PVT1: variants seen among roughly 807,000 people sequenced by gnomAD.
The protein encoded by PVT1 is Pvt1 oncogene.
intron 4 of PVT1, among the ~76,000 whole-genome samples, chr8:128,047,662 T>A (rs1483742941): frequency 6.6e-6 from 1 of 152,154 alleles, no homozygotes; most frequent in Non-Finnish European, 1.5e-5. Context: ...ACAACATTGT[T>A]TGACACAGAA....
chr8:128,096,473 C>T (rs964668463), intron 5 of PVT1: 1 of 149,216 alleles, frequency 6.7e-6, no homozygotes. Flanking sequence ...GTCCTGCTAC[C>T]ATTTTATAGT....
intron 3 of PVT1, among the ~76,000 whole-genome samples, chr8:127,919,480 C>T (rs1305808078): frequency 6.6e-6 from 1 of 152,216 alleles, no homozygotes; most frequent in African/African-American, 2.4e-5. Flanking sequence ...CTTCTCCCCA[C>T]TTTTGTGCAA....
intron 5 of PVT1, among the ~76,000 whole-genome samples, chr8:128,071,298 C>T (rs1370419445): frequency 2.0e-5 from 3 of 152,174 alleles, no homozygotes; most frequent in African/African-American, 7.2e-5. Context: ...GAATACCTGT[C>T]AGAGAGTATC....
chr8:127,955,831 C>G (rs934206368), intron 3 of PVT1, among the ~76,000 whole-genome samples: 1 of 152,136 alleles, frequency 6.6e-6, no homozygotes, highest in East Asian at 1.9e-4. Context: ...GTGATCTGCC[C>G]GCCTCGGCCT....
rs1816418374 is a variant in PVT1 at position 127,946,206 on chromosome 8, T to C, written n.783-42956T>C. 2.0e-5 allele frequency among the ~76,000 whole-genome samples: 3 copies of C among 152,336 alleles called. No individual in the cohort carries two copies. In the South Asian group the frequency reaches 6.2e-4, roughly 32 times the overall value. On this transcript the variant is annotated intron_variant and non_coding_transcript_variant, in intron 3 of 10. Transcript: ENST00000651587. ...TGCTTACTCTCCCAAGCTTGTTGGG[T>C]TATTATCATGCACAAGCCATTCAAT...
chr8:128,022,281 G>A (rs1817447364), intron 4 of PVT1, among the ~76,000 whole-genome samples: 1 of 152,204 alleles, frequency 6.6e-6, no homozygotes, highest in Non-Finnish European at 1.5e-5. Flanking sequence ...GTCTTGGCTT[G>A]ACCTTTACCC....
At chr8:127,951,466 A>G (rs775152352) in intron 3 of PVT1, among the ~76,000 whole-genome samples, 1 of 152,202 alleles carries the variant, frequency 6.6e-6, no homozygotes, top group Non-Finnish European at 1.5e-5. Flanking sequence ...CAAAAGGAAG[A>G]CAGCGTCACA....
At chr8:127,904,935 C>G (rs1815802046) in intron 3 of PVT1, among the ~76,000 whole-genome samples, 1 of 152,214 alleles carries the variant, frequency 6.6e-6, no homozygotes, top group Admixed American at 6.5e-5. Flanking sequence ...GCTGTATGTC[C>G]AAGGAGCTGG....
At chr8:128,089,104 T>A (rs1036455649) in intron 5 of PVT1, among the ~76,000 whole-genome samples, 2 of 152,188 alleles carry the variant, frequency 1.3e-5, no homozygotes, top group African/African-American at 4.8e-5. Flanking sequence ...TGAGAGAAGT[T>A]ATGTGTGGTA....
rs186703669 is a variant in PVT1 at position 128,036,305 on chromosome 8, G to C, written n.913-33855G>C. Among the ~76,000 whole-genome samples the C allele has an allele frequency of 3.9e-5, 6 of 152,326 alleles. No individual in the cohort carries two copies. In the East Asian group the frequency reaches 1.2e-3, roughly 29 times the overall value. On this transcript the variant is annotated intron_variant and non_coding_transcript_variant, in intron 4 of 10. Transcript: ENST00000651587. ...TGCATGGTGGTGAGGATTGAGCTGT[G>C]AAATGCACTTGAAGATGGCTGTCTG... is the stretch of plus-strand genomic sequence containing the variant.
intron 3 of PVT1, chr8:127,947,517 T>C (rs543747072): frequency 1.7e-4 from 60 of 359,922 alleles, no homozygotes; most frequent in Non-Finnish European, 3.0e-4. Context: ...ACTGAGCCTG[T>C]AGGGATTTAC....
At chr8:127,960,027 G>T (rs1038857184) in intron 3 of PVT1, among the ~76,000 whole-genome samples, 3 of 152,170 alleles carry the variant, frequency 2.0e-5, no homozygotes, top group Non-Finnish European at 2.9e-5. Context: ...TCTCCTGTAC[G>T]TCGTAGTTTT....
At chr8:127,861,293 G>A (rs912316649) in intron 2 of PVT1, among the ~76,000 whole-genome samples, 1 of 152,258 alleles carries the variant, frequency 6.6e-6, no homozygotes, top group East Asian at 1.9e-4. Context: ...CAAACAGGTC[G>A]ATGACTAGGA....
At chr8:127,978,978 G>C (rs962965313) in intron 3 of PVT1, among the ~76,000 whole-genome samples, 1 of 152,236 alleles carries the variant, frequency 6.6e-6, no homozygotes, top group African/African-American at 2.4e-5. Context: ...CTGGCCTCAA[G>C]TGACCCTTCC....
chr8:127,821,889 G>C (rs1424767415), intron 2 of PVT1, among the ~76,000 whole-genome samples: 1 of 152,166 alleles, frequency 6.6e-6, no homozygotes, highest in Non-Finnish European at 1.5e-5. Context: ...ATGCTAAACT[G>C]TGACACAAAC....
At chr8:127,951,977 G>A (rs1005384265) in intron 3 of PVT1, among the ~76,000 whole-genome samples, 8 of 151,918 alleles carry the variant, frequency 5.3e-5, no homozygotes, top group Non-Finnish European at 8.8e-5. Flanking sequence ...CACCACGCTC[G>A]ACTAATGTTT....
intron 3 of PVT1, among the ~76,000 whole-genome samples, chr8:127,927,383 G>A (rs568879067): frequency 1.3e-5 from 2 of 152,260 alleles, no homozygotes; most frequent in Admixed American, 6.5e-5. Context: ...TGGTCTCATT[G>A]CTTTTGTTCA....
At chr8:127,800,900 G>T (rs1814456086) in intron 2 of PVT1, among the ~76,000 whole-genome samples, 1 of 152,228 alleles carries the variant, frequency 6.6e-6, no homozygotes, top group Non-Finnish European at 1.5e-5. Context: ...AGGCCTAGCA[G>T]GGTCAGTGTC....
intron 4 of PVT1, among the ~76,000 whole-genome samples, chr8:128,057,812 G>A (rs1270800195): frequency 6.6e-6 from 1 of 152,192 alleles, no homozygotes; most frequent in Non-Finnish European, 1.5e-5. Flanking sequence ...CACTTCCTGA[G>A]CCTTGGCTTA....
Sources: gnomAD v4.1 joint callset for allele counts (sites outside exome capture counted in the v4.1 genomes callset) on GRCh38, gnomAD v4.1.1 for gene constraint, MANE v1.5 for transcripts, NCBI Gene and HGNC (gene_info 2026-07-23, HGNC 2026-07-21) for gene names.